The following RGS8 variants were observed in gnomAD, a reference collection of about 807,000 sequenced individuals.
The protein encoded by RGS8 is regulator of G-protein signaling 8.
In RGS8, 8 loss-of-function variants were observed where a neutral mutation model predicts 21.7. That is an observed-to-expected ratio of 0.37 (90% CI 0.22 to 0.66). The LOEUF is 0.66. Ranked by LOEUF, RGS8 falls within the 30% of genes least tolerant of loss-of-function variation. RGS8 has a pLI of 0.59. For synonymous variants in RGS8, 80 were observed against 83.6 expected, an observed-to-expected ratio of 0.96 and a Z score of 0.24; for missense variants, 157 against 217.9, an observed-to-expected ratio of 0.72 and a Z score of 1.76.
At chr1:182,747,710 G>A in the RGS8 span, among the ~76,000 whole-genome samples, 2 of 152,130 alleles carry the variant, frequency 1.3e-5, no homozygotes, top group Non-Finnish European at 2.9e-5. Context: ...AAGCAACATT[G>A]AAAGTTAGTC....
the RGS8 span, among the ~76,000 whole-genome samples, chr1:182,741,006 T>C: frequency 6.6e-6 from 1 of 151,312 alleles, no homozygotes; most frequent in African/African-American, 2.4e-5. Flanking sequence ...TCCCCACCTT[T>C]CCCCCCTTTC....
the RGS8 span, among the ~76,000 whole-genome samples, chr1:182,716,274 C>T: frequency 3.8e-4 from 58 of 151,724 alleles, no homozygotes; most frequent in African/African-American, 1.3e-3. Context: ...TACAGGTGTA[C>T]GCCACCATGC....
chr1:182,721,867 C>T, the RGS8 span, among the ~76,000 whole-genome samples: 2 of 152,180 alleles, frequency 1.3e-5, no homozygotes, highest in Non-Finnish European at 2.9e-5. Flanking sequence ...AAAATTCTTC[C>T]AATCACATGT....
upstream of RGS8, among the ~76,000 whole-genome samples, chr1:182,677,739 T>A (rs1664411457): frequency 6.6e-6 from 1 of 152,230 alleles, no homozygotes; most frequent in South Asian, 2.1e-4. Context: ...CTTTATTCAC[T>A]ACTTTATACT....
At chr1:182,741,985 C>A in the RGS8 span, among the ~76,000 whole-genome samples, 6 of 142,556 alleles carry the variant, frequency 4.2e-5, no homozygotes, top group East Asian at 4.3e-4. Context: ...ACTTCTCAGA[C>A]GGGGCGGTTG....
chr1:182,720,763 C>T, the RGS8 span, among the ~76,000 whole-genome samples: 2 of 151,862 alleles, frequency 1.3e-5, no homozygotes, highest in East Asian at 3.9e-4. Flanking sequence ...ACTTGGTCTG[C>T]AGCACTTCAA....
At chr1:182,742,343 C>T in the RGS8 span, among the ~76,000 whole-genome samples, 3 of 151,656 alleles carry the variant, frequency 2.0e-5, no homozygotes, top group Non-Finnish European at 2.9e-5. Flanking sequence ...GGGTGGCGGC[C>T]GGGCAGAGGC....
intron 5 of RGS8, among the ~76,000 whole-genome samples, chr1:182,662,126 C>T (rs967330827): frequency 2.0e-5 from 3 of 152,096 alleles, no homozygotes; most frequent in Non-Finnish European, 2.9e-5. Context: ...CAAACATTTG[C>T]CCTCCAGATT....
At chr1:182,721,191 A>C in the RGS8 span, among the ~76,000 whole-genome samples, 1 of 151,330 alleles carries the variant, frequency 6.6e-6, no homozygotes, top group Non-Finnish European at 1.5e-5. Context: ...AGAACCCCCA[A>C]TTTATTCATT....
the RGS8 span, among the ~76,000 whole-genome samples, chr1:182,698,324 G>C: frequency 6.6e-6 from 1 of 152,168 alleles, no homozygotes. Flanking sequence ...AGGCTCTAGA[G>C]CCAGACTGCC....
At chr1:182,719,482 A>G in the RGS8 span, among the ~76,000 whole-genome samples, 65 of 147,168 alleles carry the variant, frequency 4.4e-4, 1 homozygote, top group Admixed American at 4.4e-3. Flanking sequence ...TTTTTAAGAC[A>G]GAGTCTCTCT....
intron 5 of RGS8, among the ~76,000 whole-genome samples, chr1:182,665,586 A>G (rs1663816975): frequency 6.6e-6 from 1 of 152,216 alleles, no homozygotes; most frequent in South Asian, 2.1e-4. Flanking sequence ...GCATAGCCCA[A>G]GACTCTCCCA....
At chr1:182,714,139 AG>A in the RGS8 span, among the ~76,000 whole-genome samples, 1 of 152,066 alleles carries the variant, frequency 6.6e-6, no homozygotes, top group Non-Finnish European at 1.5e-5. Flanking sequence ...CTCACCCTAC[AG>A]GTTTCAGCTT....
intron 3 of RGS8, among the ~76,000 whole-genome samples, chr1:182,669,223 GT>G (rs1244847471): frequency 1.3e-5 from 2 of 152,228 alleles, no homozygotes; most frequent in Non-Finnish European, 2.9e-5. Flanking sequence ...GAGGGTAGAA[GT>G]AGGAGTCAAA....
upstream of RGS8, among the ~76,000 whole-genome samples, chr1:182,675,970 GA>G (rs111719829): frequency 1.3e-5 from 2 of 151,360 alleles, no homozygotes; most frequent in Admixed American, 6.6e-5. Flanking sequence ...TTGAGTTCGT[GA>G]AAAAAAAATC....
chr1:182,701,983 G>A, the RGS8 span, among the ~76,000 whole-genome samples: 1 of 152,128 alleles, frequency 6.6e-6, no homozygotes, highest in African/African-American at 2.4e-5. Flanking sequence ...ACACACTATT[G>A]GTGGGAATGT....
intron 3 of RGS8, 132 bp from the exon 5 acceptor site, chr1:182,667,105 A>G (rs546230730): frequency 8.6e-6 from 6 of 701,150 alleles, no homozygotes; most frequent in Non-Finnish European, 1.5e-5. Flanking sequence ...GTCTCTGAAG[A>G]CTTCATGAAC....
chr1:182,699,053 G>A, the RGS8 span, among the ~76,000 whole-genome samples: 2 of 152,174 alleles, frequency 1.3e-5, no homozygotes, highest in Non-Finnish European at 2.9e-5. Context: ...TTATGATTCT[G>A]AAAAGGTTAA....
the RGS8 span, among the ~76,000 whole-genome samples, chr1:182,740,881 C>A: frequency 1.4e-3 from 218 of 152,180 alleles, 1 homozygote; most frequent in African/African-American, 5.0e-3. Context: ...GTAAGGTCAC[C>A]TATCAACAGG....
Sources: allele counts gnomAD v4.1 joint callset (sites outside exome capture counted in the v4.1 genomes callset), GRCh38; gene constraint gnomAD v4.1.1; transcripts MANE v1.5; gene names NCBI Gene and HGNC (gene_info 2026-07-23, HGNC 2026-07-21).